Variants in FOXP2 observed in about 807,000 individuals in gnomAD.
The protein encoded by FOXP2 is forkhead box protein P2.
In FOXP2, 12 loss-of-function variants were observed where a neutral mutation model predicts 115.8. That is an observed-to-expected ratio of 0.10 (90% CI 0.07 to 0.17). The LOEUF is 0.17. Ranked by LOEUF, FOXP2 falls within the 10% of genes least tolerant of loss-of-function variation. The pLI, the probability that FOXP2 is intolerant of heterozygous loss-of-function variation, is 1.00. For missense variants in FOXP2, 629 were observed against 843.5 expected (o/e 0.75, Z 3.15); for synonymous variants, 328 against 297.7 (o/e 1.10, Z -1.05).
At chr7:114,425,664 T>A (rs1160646335) in intron 1 of FOXP2, among the ~76,000 whole-genome samples, 1 of 151,710 alleles carries the variant, frequency 6.6e-6, no homozygotes, top group Non-Finnish European at 1.5e-5. Flanking sequence ...TAGATTTTAT[T>A]TCCAGCTTTC....
rs12537118 is a variant in FOXP2, at chr7:114,640,127, A to G, written c.776-2283A>G. On this transcript the variant is annotated intron_variant, in intron 6 of 16. Transcript: ENST00000350908. The stretch of plus-strand genomic sequence containing the variant: ...ATGCAAAAGACATGTTGGTGCTATC[A>G]TGAAAAAGGATTTGCTAATGAAGTT... 3.0e-3 allele frequency among the ~76,000 whole-genome samples: 458 copies of G among 152,320 alleles called. 13 individuals carry two copies. Among genetic ancestry groups the G allele is most frequent in the Admixed American group, 0.025 (379 of 15,300 alleles).
At chr7:114,170,152 T>C (rs1042740666) in intron 1 of FOXP2, among the ~76,000 whole-genome samples, 1 of 152,222 alleles carries the variant, frequency 6.6e-6, no homozygotes, top group Non-Finnish European at 1.5e-5. Flanking sequence ...CTTTTCATGT[T>C]ATTATATCTA....
chr7:114,154,377 T>C (rs892493126), intron 1 of FOXP2, among the ~76,000 whole-genome samples: 5 of 152,088 alleles, frequency 3.3e-5, no homozygotes, highest in Non-Finnish European at 7.4e-5. Context: ...TCTGAGATTT[T>C]TTTCCACATC....
intron 1 of FOXP2, among the ~76,000 whole-genome samples, chr7:114,226,695 C>A: frequency 6.6e-6 from 1 of 152,050 alleles, no homozygotes; most frequent in East Asian, 1.9e-4. Flanking sequence ...TTTATTATCT[C>A]TTTTCCATTT....
At chr7:114,124,107 G>A (rs998954059) in intron 1 of FOXP2, among the ~76,000 whole-genome samples, 1 of 151,906 alleles carries the variant, frequency 6.6e-6, no homozygotes, top group African/African-American at 2.4e-5. Context: ...TTTGCATAAT[G>A]TAAATATATC....
chr7:114,502,271 A>G lies in FOXP2; in HGVS notation c.169-32346A>G, dbSNP rs373936730. On this transcript the variant is annotated intron_variant, in intron 2 of 16. Transcript: ENST00000350908. ...ATGAATATTCCATATATATGCATTC[A>G]TTAACCTAGCTAAGTTAAAAAAGAA... Among the ~76,000 whole-genome samples the G allele has an allele frequency of 4.3e-4, 66 of 152,244 alleles. No homozygotes were observed. The South Asian group carries it at 0.013, about 29-fold the overall frequency.
intron 1 of FOXP2, among the ~76,000 whole-genome samples, chr7:114,195,694 G>A (rs541844362): frequency 1.3e-5 from 2 of 151,896 alleles, no homozygotes; most frequent in African/African-American, 4.8e-5. Context: ...CCCTTCTTAT[G>A]GTTATGATTC....
intron 3 of FOXP2, among the ~76,000 whole-genome samples, chr7:114,599,119 A>G (rs1030873151): frequency 1.3e-5 from 2 of 149,858 alleles, no homozygotes; most frequent in East Asian, 3.9e-4. Context: ...TGGTGAATGG[A>G]TGTGGGGACA....
intron 1 of FOXP2, among the ~76,000 whole-genome samples, chr7:114,135,655 TA>T (rs1167751737): frequency 6.6e-6 from 1 of 152,154 alleles, no homozygotes; most frequent in Non-Finnish European, 1.5e-5. Context: ...TTAAAATATA[TA>T]AAGCAGTAAG....
intron 1 of FOXP2, among the ~76,000 whole-genome samples, chr7:114,186,876 A>G (rs1364337333): frequency 2.6e-5 from 4 of 152,144 alleles, no homozygotes; most frequent in Non-Finnish European, 5.9e-5. Flanking sequence ...GGGTTGAGCC[A>G]TGACTCGGGG....
intron 2 of FOXP2, among the ~76,000 whole-genome samples, chr7:114,288,836 C>T (rs2129176106): frequency 6.6e-6 from 1 of 151,754 alleles, no homozygotes; most frequent in African/African-American, 2.4e-5. Flanking sequence ...AACCTAAAAG[C>T]AATTTTAGGC....
chr7:114,423,170 G>C (rs775824105), intron 1 of FOXP2, among the ~76,000 whole-genome samples: 3 of 151,650 alleles, frequency 2.0e-5, no homozygotes, highest in Non-Finnish European at 4.4e-5. Context: ...TCATTCTTGC[G>C]TAAACCTGCA....
chr7:114,472,593 C>T (rs1796099284), intron 2 of FOXP2, among the ~76,000 whole-genome samples: 1 of 152,122 alleles, frequency 6.6e-6, no homozygotes, highest in Non-Finnish European at 1.5e-5. Context: ...GGTGATCCAC[C>T]AACCTCGGCC....
intron 2 of FOXP2, among the ~76,000 whole-genome samples, chr7:114,358,938 G>A (rs2690835): frequency 0.55 from 83,708 of 151,982 alleles, 23,669 homozygotes; most frequent in East Asian, 0.83. Flanking sequence ...TTCTGAGGAG[G>A]AATTCAAGCA....
At chr7:114,534,498 C>T in intron 2 of FOXP2, 119 bp from the exon 3 acceptor site, 1 of 850,456 alleles carries the variant, frequency 1.2e-6, no homozygotes, top group Admixed American at 1.9e-5. Flanking sequence ...AACAATGATT[C>T]TCTCTAGAAA....
intron 16 of FOXP2, chr7:114,669,871 C>T (rs1381699354): frequency 6.6e-6 from 1 of 152,036 alleles, no homozygotes; most frequent in East Asian, 1.9e-4. Context: ...TCTCCTCATT[C>T]TCAATAAGTT....
rs534896079 is a variant in FOXP2 at position 114,580,483 on chromosome 7, C to T, written c.258+45777C>T. Among the ~76,000 whole-genome samples the T allele has an allele frequency of 5.9e-5, 9 of 152,230 alleles. No individual in the cohort carries two copies. The South Asian group carries it at 1.9e-3, about 32-fold the overall frequency. On this transcript the variant is annotated intron_variant, in intron 3 of 16. Coordinates refer to ENST00000350908, the MANE Select transcript of FOXP2 (RefSeq NM_014491.4). ...GTCCCAGCTACTTGAGAGGCTGAGA[C>T]AGGAGAATTGTTTGAACCCGGGAGG... is the stretch of plus-strand genomic sequence containing the variant.
chr7:114,618,931 T>G (rs528094006), intron 3 of FOXP2, among the ~76,000 whole-genome samples: 12 of 152,298 alleles, frequency 7.9e-5, no homozygotes, highest in African/African-American at 2.9e-4. Context: ...CTGTGTGTTA[T>G]GTATTTACAT....
chr7:114,337,406 A>G (rs1156407865), intron 2 of FOXP2, among the ~76,000 whole-genome samples: 1 of 151,238 alleles, frequency 6.6e-6, no homozygotes, highest in Admixed American at 6.6e-5. Flanking sequence ...TTTTCTTACT[A>G]TGAGCGATTC....
Sources: allele counts gnomAD v4.1 joint callset (sites outside exome capture counted in the v4.1 genomes callset), GRCh38; gene constraint gnomAD v4.1.1; transcripts MANE v1.5; gene names NCBI Gene and HGNC (gene_info 2026-07-23, HGNC 2026-07-21).